Variants in UNC5D observed in about 807,000 individuals in gnomAD.
UNC5D encodes the protein netrin receptor UNC5D.
Under a neutral mutation model 105.4 loss-of-function variants are expected in UNC5D, and 39 were observed. The observed-to-expected ratio is 0.37, with a 90% CI of 0.29 to 0.48. The LOEUF is 0.48. Ranked by LOEUF, UNC5D falls within the 20% of genes least tolerant of loss-of-function variation. The pLI is 0.98. For synonymous variants in UNC5D, 452 were observed against 450.4 expected (o/e 1.00, Z -0.04); for missense variants, 991 against 1,202.4 (o/e 0.82, Z 2.60).
intron 4 of UNC5D, among the ~76,000 whole-genome samples, chr8:35,682,595 CAG>C (rs1233787823): frequency 2.6e-5 from 4 of 152,138 alleles, no homozygotes; most frequent in Non-Finnish European, 4.4e-5. Flanking sequence ...GACATGGAAG[CAG>C]AGAGTGAATA....
At chr8:35,547,738 A>G (rs1386238681) in intron 1 of UNC5D, among the ~76,000 whole-genome samples, 1 of 152,234 alleles carries the variant, frequency 6.6e-6, no homozygotes, top group East Asian at 1.9e-4. Flanking sequence ...TCAGGTCACA[A>G]GATGCAGCCC....
intron 1 of UNC5D, among the ~76,000 whole-genome samples, chr8:35,262,486 A>T (rs752370732): frequency 6.6e-6 from 1 of 152,184 alleles, no homozygotes; most frequent in African/African-American, 2.4e-5. Flanking sequence ...AACCAGCTTT[A>T]AAAAAACAAA....
chr8:35,559,676 C>T (rs1816818659), intron 2 of UNC5D, among the ~76,000 whole-genome samples: 1 of 152,192 alleles, frequency 6.6e-6, no homozygotes, highest in Admixed American at 6.5e-5. Flanking sequence ...TAGACTATGA[C>T]CATCACCCTT....
intron 11 of UNC5D, among the ~76,000 whole-genome samples, chr8:35,739,396 A>G (rs933158060): frequency 1.3e-5 from 2 of 152,146 alleles, no homozygotes; most frequent in Non-Finnish European, 2.9e-5. Context: ...CTCTTTTTGG[A>G]AAGAAGCATT....
chr8:35,464,416 G>A (rs779762092), intron 1 of UNC5D, among the ~76,000 whole-genome samples: 4 of 152,124 alleles, frequency 2.6e-5, no homozygotes, highest in African/African-American at 9.7e-5. Flanking sequence ...TTTGCTATAT[G>A]TGGTATTATC....
intron 1 of UNC5D, among the ~76,000 whole-genome samples, chr8:35,509,011 T>C (rs534929631): frequency 2.5e-4 from 38 of 152,330 alleles, no homozygotes; most frequent in African/African-American, 9.1e-4. Context: ...TTTTCTTTGA[T>C]TCTTGCTATG....
chr8:35,760,951 T>A (rs1320040883), intron 14 of UNC5D, among the ~76,000 whole-genome samples: 1 of 152,140 alleles, frequency 6.6e-6, no homozygotes, highest in Non-Finnish European at 1.5e-5. Context: ...TTCTATTGAC[T>A]TTTCAGACTT....
At chr8:35,438,007 AT>A (rs1350469630) in intron 1 of UNC5D, among the ~76,000 whole-genome samples, 3 of 151,900 alleles carry the variant, frequency 2.0e-5, no homozygotes, top group Non-Finnish European at 4.4e-5. Flanking sequence ...GTTTTTCAGT[AT>A]TCTTATTTCC....
intron 1 of UNC5D, among the ~76,000 whole-genome samples, chr8:35,253,010 T>A (rs1803815603): frequency 6.6e-6 from 1 of 152,226 alleles, no homozygotes; most frequent in Non-Finnish European, 1.5e-5. Flanking sequence ...TTGCCATTTT[T>A]ATTTCTTCTG....
intron 10 of UNC5D, among the ~76,000 whole-genome samples, chr8:35,728,397 G>T (rs1039563548): frequency 1.3e-5 from 2 of 152,056 alleles, no homozygotes; most frequent in Non-Finnish European, 2.9e-5. Flanking sequence ...ATGAACCAGA[G>T]ATTTACCTTC....
chr8:35,276,687 T>C (rs913592038), intron 1 of UNC5D, among the ~76,000 whole-genome samples: 2 of 152,190 alleles, frequency 1.3e-5, no homozygotes, highest in Admixed American at 6.5e-5. Context: ...TTGCATGATA[T>C]AGTGTGGCAG....
At chr8:35,637,050 A>T (rs1822423806) in intron 4 of UNC5D, among the ~76,000 whole-genome samples, 1 of 152,158 alleles carries the variant, frequency 6.6e-6, no homozygotes, top group African/African-American at 2.4e-5. Context: ...TAAAAAGCTG[A>T]ACTTCCTTAT....
chr8:35,577,156 G>A (rs1054850206), intron 3 of UNC5D, among the ~76,000 whole-genome samples: 35 of 152,144 alleles, frequency 2.3e-4, no homozygotes, highest in African/African-American at 8.0e-4. Flanking sequence ...ACTTCATGGT[G>A]TGTGTTTTAA....
chr8:35,397,397 G>C (rs1193165994), intron 1 of UNC5D, among the ~76,000 whole-genome samples: 1 of 152,216 alleles, frequency 6.6e-6, no homozygotes, highest in Non-Finnish European at 1.5e-5. Context: ...CAAGTTCCCA[G>C]ATGCCAGGCA....
chr8:35,452,988 AG>A (rs1808262923), intron 1 of UNC5D, among the ~76,000 whole-genome samples: 1 of 152,142 alleles, frequency 6.6e-6, no homozygotes, highest in South Asian at 2.1e-4. Flanking sequence ...GTCCAAAAAA[AG>A]TTGTTTAGTG....
intron 9 of UNC5D, chr8:35,724,097 G>A (rs1033350467): frequency 2.2e-6 from 3 of 1,371,736 alleles, no homozygotes; most frequent in East Asian, 2.6e-5. Context: ...GGAGCACCAG[G>A]CAGCAGGTGA....
In UNC5D at chr8:35,549,487, A is replaced by G. The variant is rs781566247; in HGVS notation, c.299A>G (p.Glu100Gly). The change falls in exon 2 of 17, where the codon GAA becomes GGA. Residue 100 changes from glutamate to glycine, a missense_variant. Around this residue, in one of 3 missense-constraint regions of UNC5D, gnomAD observed 944 missense variants for 1,131.6 expected, o/e 0.83. Coordinates refer to ENST00000404895, the MANE Select transcript of UNC5D (RefSeq NM_080872.4). Reference protein sequence around the residue: ...EWVHQNEHVSEETLDESSGLK... With the variant: ...EWVHQNEHVSGETLDESSGLK... ...GTCCATCAGAACGAGCACGTCTCTGAAGAGACTCTGGACGAGAGCTCAGGT... is the reference window on the plus strand; with the variant it reads ...GTCCATCAGAACGAGCACGTCTCTGGAGAGACTCTGGACGAGAGCTCAGGT... 2 of 1,612,086 alleles carry G rather than the reference A, an allele frequency of 1.2e-6. No individual in the cohort carries two copies. Among genetic ancestry groups the G allele is most frequent in the East Asian group, 4.5e-5 (2 of 44,878 alleles).
chr8:35,458,439 A>G (rs1808645417), intron 1 of UNC5D, among the ~76,000 whole-genome samples: 2 of 152,156 alleles, frequency 1.3e-5, no homozygotes, highest in African/African-American at 2.4e-5. Flanking sequence ...TCCTGAGGCC[A>G]CTAGCACTGA....
chr8:35,729,235 T>C (rs915371333), intron 10 of UNC5D, among the ~76,000 whole-genome samples: 4 of 152,188 alleles, frequency 2.6e-5, no homozygotes, highest in Admixed American at 1.3e-4. Flanking sequence ...AGACAGCTCT[T>C]TCTCAATTGT....
Sources: gnomAD v4.1 joint callset for allele counts (sites outside exome capture counted in the v4.1 genomes callset) on GRCh38, gnomAD v4.1.1 for gene constraint, gnomAD v4.1.1 regional missense constraint, MANE v1.5 for transcripts, NCBI Gene and HGNC (gene_info 2026-07-23, HGNC 2026-07-21) for gene names.